The following SORBS2 variants were observed in gnomAD, a reference collection of about 807,000 sequenced individuals.
SORBS2 encodes the protein sorbin and SH3 domain containing 2, also known as sorbin and SH3 domain-containing protein 2.
SORBS2 carries 46 observed loss-of-function variants against 97.7 expected under a neutral mutation model. The ratio of observed to expected loss-of-function variants is 0.47; its 90% CI spans 0.37 to 0.60. The LOEUF is 0.60. Among genes scored for constraint, SORBS2 ranks in the 20% least tolerant of loss-of-function variants. The pLI, the probability that SORBS2 is intolerant of heterozygous loss-of-function variation, is 0.00. For synonymous variants in SORBS2, 476 were observed against 473.4 expected, an observed-to-expected ratio of 1.01 and a Z score of -0.07; for missense variants, 1,316 against 1,282.3, an observed-to-expected ratio of 1.03 and a Z score of -0.40.
rs1293717120 is a variant in SORBS2 at position 185,623,072 on chromosome 4, G to A, written c.2057C>T (p.Pro686Leu). Residue 686 changes from proline to leucine, a missense_variant, in exon 7 of 15, where the codon CCC becomes CTC. Pro to Leu is a moderately conservative substitution (Grantham distance 98, BLOSUM62 -3). Transcript: ENST00000418609. This position sits in a 1 kb window ranked among gnomAD's most constrained non-coding sequence, Gnocchi z 6.4. ...CAGTGGGTGGAGAGGCTGGTGCAGG[G>A]GGCTCCTCCTCAGCGCTCTCAGGGA... 1 of 1,614,100 alleles carries A rather than the reference G, an allele frequency of 6.2e-7. No homozygotes were observed. Among genetic ancestry groups the A allele is most frequent in the South Asian group, 1.1e-5 (1 of 91,070 alleles).
chr4:185,896,673 A>G (rs2099245192), intron 1 of SORBS2, among the ~76,000 whole-genome samples: 1 of 152,102 alleles, frequency 6.6e-6, no homozygotes, highest in Non-Finnish European at 1.5e-5. Context: ...CTCTTTTCTA[A>G]ACACAGAACT....
intron 1 of SORBS2, among the ~76,000 whole-genome samples, chr4:185,839,552 C>T (rs1010465558): frequency 6.6e-5 from 10 of 152,088 alleles, no homozygotes; most frequent in African/African-American, 2.4e-4. Flanking sequence ...CTGAGCGCTC[C>T]CTAGGGAGGA....
chr4:185,839,581 G>C (rs1228419293), intron 1 of SORBS2, among the ~76,000 whole-genome samples: 1 of 152,196 alleles, frequency 6.6e-6, no homozygotes, highest in Non-Finnish European at 1.5e-5. Flanking sequence ...GAGAGCTTAA[G>C]AGAGGAATGT....
At chr4:185,932,712 T>C (rs2099267064) in intron 1 of SORBS2, among the ~76,000 whole-genome samples, 1 of 147,178 alleles carries the variant, frequency 6.8e-6, no homozygotes, top group Admixed American at 6.9e-5. Flanking sequence ...AGGCAGGGCC[T>C]GGCCTAAAGC....
intron 1 of SORBS2, among the ~76,000 whole-genome samples, chr4:185,792,242 C>G (rs1428506651): frequency 2.0e-5 from 3 of 152,152 alleles, no homozygotes; most frequent in Non-Finnish European, 4.4e-5. Flanking sequence ...CGCCTATAAT[C>G]CCAGCACTCG....
intron 4 of SORBS2, 42 bp downstream of exon 7, chr4:185,678,381 A>T: frequency 6.7e-7 from 1 of 1,500,184 alleles, no homozygotes; most frequent in Non-Finnish European, 8.9e-7. Context: ...TCTAATAATC[A>T]TGCCTTAAAA....
chr4:185,883,747 G>T (rs994467826), intron 1 of SORBS2, among the ~76,000 whole-genome samples: 3 of 152,202 alleles, frequency 2.0e-5, no homozygotes, highest in Non-Finnish European at 4.4e-5. Context: ...AGCTACTCAG[G>T]CTGAAGTGGG....
At chr4:185,668,849 C>T (rs555537319) in intron 4 of SORBS2, among the ~76,000 whole-genome samples, 1 of 152,288 alleles carries the variant, frequency 6.6e-6, no homozygotes, top group Admixed American at 6.5e-5. Flanking sequence ...TCAAGGGTCA[C>T]CAACTTTTTG....
chr4:185,933,041 A>C (rs1355609120), intron 1 of SORBS2: 1 of 152,222 alleles, frequency 6.6e-6, no homozygotes, highest in African/African-American at 2.4e-5. Context: ...CGGAGAAAAC[A>C]TGTAGATCCC....
chr4:185,694,775 C>T (rs552612694), intron 2 of SORBS2, among the ~76,000 whole-genome samples: 2 of 143,826 alleles, frequency 1.4e-5, no homozygotes, highest in South Asian at 4.4e-4. Flanking sequence ...GGCATGATCT[C>T]GGCTCACTAC....
In SORBS2 at chr4:185,654,744, G is replaced by A. The variant is rs151064068; in HGVS notation, c.24+1871C>T. ...AGAAAATAGTCTACTCAAATTTCAG[G>A]AAGTTTACTTTTGTACGTAAAATCA... On this transcript the variant is annotated intron_variant, in intron 1 of 14. Coordinates refer to ENST00000418609, the Ensembl canonical transcript of SORBS2. Among the ~76,000 whole-genome samples the A allele has an allele frequency of 3.1e-3, 473 of 152,272 alleles. 8 individuals carry two copies. The East Asian group carries it at 0.062, about 20-fold the overall frequency.
At chr4:185,694,710 T>C (rs1229832001) in intron 2 of SORBS2, among the ~76,000 whole-genome samples, 1 of 134,000 alleles carries the variant, frequency 7.5e-6, no homozygotes, top group African/African-American at 2.7e-5. Context: ...TTCTTTCTTT[T>C]CTTTTCTTTT....
intron 1 of SORBS2, among the ~76,000 whole-genome samples, chr4:185,950,728 T>A (rs568775860): frequency 6.6e-6 from 1 of 152,346 alleles, no homozygotes; most frequent in Middle Eastern, 3.4e-3. Flanking sequence ...TCTGTTTTAA[T>A]AATGTTGCCC....
intron 7 of SORBS2, among the ~76,000 whole-genome samples, chr4:185,622,434 T>C (rs2096733192): frequency 6.6e-6 from 1 of 152,248 alleles, no homozygotes; most frequent in Non-Finnish European, 1.5e-5. Context: ...CAATTACTAA[T>C]CACATATTTC....
intron 2 of SORBS2, among the ~76,000 whole-genome samples, chr4:185,767,220 C>G (rs1049090189): frequency 6.6e-6 from 1 of 151,982 alleles, no homozygotes; most frequent in Admixed American, 6.6e-5. Flanking sequence ...AAGAGCTGGC[C>G]GGGCGCGGTG....
At chr4:185,817,956 A>G (rs1407369391) in intron 1 of SORBS2, among the ~76,000 whole-genome samples, 1 of 152,234 alleles carries the variant, frequency 6.6e-6, no homozygotes, top group Non-Finnish European at 1.5e-5. Context: ...ACAATCAGGT[A>G]CACGTTTTAG....
chr4:185,608,808 A>C (rs534634118), intron 12 of SORBS2, among the ~76,000 whole-genome samples: 1 of 152,258 alleles, frequency 6.6e-6, no homozygotes, highest in South Asian at 2.1e-4. Context: ...TTGATTTGGA[A>C]AGAAAAACAT....
chr4:185,740,491 G>A (rs995393389), intron 2 of SORBS2, among the ~76,000 whole-genome samples: 14 of 152,214 alleles, frequency 9.2e-5, no homozygotes, highest in Non-Finnish European at 1.3e-4. Flanking sequence ...TGGCTTTGGC[G>A]TCAAGAAAGC....
At chr4:185,718,339 A>G (rs937699853) in intron 2 of SORBS2, among the ~76,000 whole-genome samples, 1 of 152,190 alleles carries the variant, frequency 6.6e-6, no homozygotes, top group African/African-American at 2.4e-5. Flanking sequence ...CATCATAAAC[A>G]TTATTTCGTT....
Sources: gnomAD v4.1 joint callset for allele counts (sites outside exome capture counted in the v4.1 genomes callset) on GRCh38, gnomAD v4.1.1 for gene constraint, Gnocchi (gnomAD v3.1) non-coding constraint, MANE v1.5 for transcripts, NCBI Gene and HGNC (gene_info 2026-07-23, HGNC 2026-07-21) for gene names.